CSPG4: variants seen among roughly 807,000 people sequenced by gnomAD.
CSPG4 encodes the protein chondroitin sulfate proteoglycan 4 (melanoma-associated).
In CSPG4, 74 loss-of-function variants were observed where a neutral mutation model predicts 139.3. The observed-to-expected ratio is 0.53, with a 90% CI of 0.44 to 0.64. The LOEUF (loss-of-function observed/expected upper bound fraction) is 0.64. CSPG4 is among the 30% of genes least tolerant of loss of function. CSPG4 has a pLI of 0.00. For synonymous variants in CSPG4, 1,234 were observed against 1,394.2 expected, an observed-to-expected ratio of 0.89 and a Z score of 2.56; for missense variants, 2,565 against 3,148.3, an observed-to-expected ratio of 0.81 and a Z score of 4.43.
chr15:75,709,114 G>A (rs550968414), intron 1 of CSPG4, among the ~76,000 whole-genome samples: 11 of 152,154 alleles, frequency 7.2e-5, no homozygotes, highest in African/African-American at 2.2e-4. Context: ...CCTGAGAAGC[G>A]GAGAGAGCTA....
intron 1 of CSPG4, 61 bp from the exon 2 acceptor site, chr15:75,693,294 C>T (rs975967866): frequency 3.8e-5 from 52 of 1,354,532 alleles, no homozygotes; most frequent in African/African-American, 1.3e-4. Flanking sequence ...GGCGAGGTGC[C>T]GCAAAGAGGG....
Position 75,675,658 on chromosome 15 carries a change from T to C in CSPG4, c.6861A>G (p.Thr2287=). 6.5e-7 allele frequency: 1 copy of C among 1,535,286 alleles called. No homozygotes were observed. Among genetic ancestry groups the C allele is most frequent in the Non-Finnish European group, 8.8e-7 (1 of 1,140,074 alleles). The change falls in exon 10 of 10, where the codon ACA becomes ACG. Residue 2287 remains threonine (T), a synonymous_variant. Transcript: ENST00000308508. ...GAGGGGGCCCCTGGCCAGGCACAGC[T>C]GTGAGCGGGATGGCCTGGCCTGGCT... The part of the protein sequence containing the change: ...KVEPGQAIPL[T]AVPGQGPPPG...
At position 75,685,425 on chromosome 15, in the gene CSPG4, C is replaced by T. The variant is rs750753426; in HGVS notation, c.4066G>A (p.Ala1356Thr). The T allele has an allele frequency of 3.7e-5, 59 of 1,611,980 alleles. No individual in the cohort carries two copies. Among genetic ancestry groups the T allele is most frequent in the Non-Finnish European group, 3.6e-5 (42 of 1,179,862 alleles). The stretch of plus-strand genomic sequence containing the variant: ...TTTTGCGCCTCTAGTGGGATGGCAG[C>T]GGGCAGCACCTCCAGCTCCACAAGG... ...GVLVELEVLP[A>T]AIPLEAQNFS... Residue 1356 changes from alanine (A) to threonine (T), a missense_variant, in exon 4 of 10, where the codon GCT becomes ACT. Transcript: ENST00000308508.
chr15:75,706,843 A>G (rs1894380361), intron 1 of CSPG4, among the ~76,000 whole-genome samples: 1 of 152,222 alleles, frequency 6.6e-6, no homozygotes, highest in African/African-American at 2.4e-5. Flanking sequence ...GACATAGCAC[A>G]GCACAGTTGA....
intron 1 of CSPG4, among the ~76,000 whole-genome samples, chr15:75,701,591 C>G (rs1894301675): frequency 6.6e-6 from 1 of 152,166 alleles, no homozygotes; most frequent in Non-Finnish European, 1.5e-5. Context: ...TGTGGGCCCC[C>G]CCTGGAGCTG....
chr15:75,693,938 A>ATG (rs1894195562), intron 1 of CSPG4, among the ~76,000 whole-genome samples: 1 of 152,248 alleles, frequency 6.6e-6, no homozygotes, highest in African/African-American at 2.4e-5. Flanking sequence ...GATGGGGACC[A>ATG]TGTGCAGTGT....
chr15:75,694,861 C>T (rs955219930), intron 1 of CSPG4, among the ~76,000 whole-genome samples: 7 of 152,326 alleles, frequency 4.6e-5, no homozygotes, highest in Admixed American at 3.9e-4. Flanking sequence ...GGCCACCTAC[C>T]GGGGTGCCTT....
intron 3 of CSPG4, among the ~76,000 whole-genome samples, 157 bp from the exon 4 acceptor site, chr15:75,685,858 C>T (rs1894051025): frequency 6.6e-6 from 1 of 152,190 alleles, no homozygotes. Flanking sequence ...CACGTGGGTT[C>T]ACACACACAG....
Position 75,675,480 on chromosome 15 carries a change from G to A in CSPG4, c.*70C>T, listed in dbSNP as rs960500588. ...GGATACTCAGACAGCACCAGGCATGGAAGCAATGGGGCCCGGGACATGGGC... is the reference window on the plus strand; with the variant it reads ...GGATACTCAGACAGCACCAGGCATGAAAGCAATGGGGCCCGGGACATGGGC... On this transcript the variant is annotated 3_prime_UTR_variant, in exon 10 of 10. Coordinates refer to ENST00000308508, the MANE Select transcript of CSPG4 (RefSeq NM_001897.5). The A allele has an allele frequency of 2.1e-6, 3 of 1,397,816 alleles. No individual in the cohort carries two copies. The highest frequency in any genetic ancestry group is 2.9e-5 in the African/African-American group (2 of 69,012). The allele number at this position is 1,397,816 out of a possible 1,614,324, so 86.6% of individuals were successfully genotyped here.
At chr15:75,686,748 G>A (rs113318359) in intron 3 of CSPG4, among the ~76,000 whole-genome samples, 133 of 152,196 alleles carry the variant, frequency 8.7e-4, no homozygotes, top group Non-Finnish European at 4.6e-4. Context: ...GAGCGGGCAA[G>A]GACTGGCCTG....
Position 75,675,850 on chromosome 15 carries a change from G to T in CSPG4, c.6669C>A (p.Phe2223Leu). The T allele has an allele frequency of 6.2e-7, 1 of 1,610,892 alleles. No homozygotes were observed. The highest frequency in any genetic ancestry group is 8.5e-7 in the Non-Finnish European group (1 of 1,180,008). ...CCAGGCACATGGGGATGATGACGCTGAACATGTTGGCCTCAAGGAAGCTCA... is the reference window on the plus strand; with the variant it reads ...CCAGGCACATGGGGATGATGACGCTTAACATGTTGGCCTCAAGGAAGCTCA... Reference protein sequence around the residue: ...GFLSFLEANMFSVIIPMCLVL... With the variant: ...GFLSFLEANMLSVIIPMCLVL... Residue 2223 changes from phenylalanine (F) to leucine (L), a missense_variant, in exon 10 of 10, where the codon TTC becomes TTA. By Grantham distance (22) the Phe-to-Leu change is conservative. Around this residue, in one of 5 missense-constraint regions of CSPG4, gnomAD observed 2,316 missense variants for 2,818.2 expected, o/e 0.82. Coordinates refer to ENST00000308508, the MANE Select transcript of CSPG4 (RefSeq NM_001897.5).
intron 1 of CSPG4, among the ~76,000 whole-genome samples, chr15:75,699,812 G>T (rs1894277632): frequency 6.6e-6 from 1 of 152,124 alleles, no homozygotes; most frequent in Non-Finnish European, 1.5e-5. Flanking sequence ...GCGGTGGGGA[G>T]CGGTTCCAAG....
At chr15:75,692,667 A>T (rs919228288) in intron 2 of CSPG4, among the ~76,000 whole-genome samples, 3 of 152,198 alleles carry the variant, frequency 2.0e-5, no homozygotes, top group African/African-American at 7.2e-5. Flanking sequence ...GGCCTAGCCC[A>T]GGAGGAGGGG....
intron 1 of CSPG4, among the ~76,000 whole-genome samples, chr15:75,706,178 G>T (rs1894368717): frequency 6.6e-6 from 1 of 152,194 alleles, no homozygotes; most frequent in African/African-American, 2.4e-5. Flanking sequence ...AAATGTGGGT[G>T]GGGGAAGGGG....
chr15:75,692,580 G>T (rs1474710642), intron 2 of CSPG4, among the ~76,000 whole-genome samples: 1 of 152,236 alleles, frequency 6.6e-6, no homozygotes, highest in African/African-American at 2.4e-5. Context: ...TGTTACTGTC[G>T]TGGACAGACC....
At chr15:75,697,056 C>A (rs1221820670) in intron 1 of CSPG4, among the ~76,000 whole-genome samples, 2 of 152,232 alleles carry the variant, frequency 1.3e-5, no homozygotes, top group Non-Finnish European at 2.9e-5. Context: ...TCAGGCCCGC[C>A]TCCCCCGGCC....
In CSPG4 at chr15:75,687,819, G is replaced by C. The variant is rs1357935417; in HGVS notation, c.3246C>G (p.Thr1082=). 6.2e-7 allele frequency: 1 copy of C among 1,612,932 alleles called. No individual in the cohort carries two copies. The highest frequency in any genetic ancestry group is 2.2e-5 in the East Asian group (1 of 44,890). The change falls in exon 3 of 10, where the codon ACC becomes ACG. Residue 1082 remains threonine, a synonymous_variant. Coordinates refer to ENST00000308508, the MANE Select transcript of CSPG4 (RefSeq NM_001897.5). The surrounding 1 kb of genome is among the most constrained non-coding windows in gnomAD (Gnocchi z 5.4). Reference sequence around the variant, plus strand: ...CTCGCCTCTTCCTGAGGTCCTCCTGGGTGAAGCGGTAGATGGGCCGCGTGG... The same window carrying C: ...CTCGCCTCTTCCTGAGGTCCTCCTGCGTGAAGCGGTAGATGGGCCGCGTGG... ...DEPTRPIYRF[T]QEDLRKRRVL... is the part of the protein sequence containing the mutation.
At chr15:75,702,050 G>A (rs1273755091) in intron 1 of CSPG4, among the ~76,000 whole-genome samples, 1 of 152,158 alleles carries the variant, frequency 6.6e-6, no homozygotes, top group Admixed American at 6.5e-5. Flanking sequence ...TCAATCTCCT[G>A]ACTCCCTTTG....
intron 8 of CSPG4, chr15:75,679,870 G>T (rs1893948574): frequency 6.6e-6 from 1 of 152,192 alleles, no homozygotes; most frequent in South Asian, 2.1e-4. Context: ...TATTTTAGTA[G>T]AGATGGGGTT....
Sources: allele counts gnomAD v4.1 joint callset (sites outside exome capture counted in the v4.1 genomes callset), GRCh38; gene constraint gnomAD v4.1.1; regional missense constraint gnomAD v4.1.1; non-coding constraint Gnocchi (gnomAD v3.1); transcripts MANE v1.5; gene names NCBI Gene and HGNC (gene_info 2026-07-23, HGNC 2026-07-21).